Variants in ZNF169 observed in about 807,000 individuals in gnomAD.
ZNF169 encodes zinc finger protein 169.
A neutral mutation model predicts 12.0 loss-of-function variants in ZNF169; 11 were observed. That is an observed-to-expected ratio of 0.92 (90% CI 0.58 to 1.52). The LOEUF (loss-of-function observed/expected upper bound fraction) is 1.52, where lower values mean the gene tolerates loss of function less well. ZNF169 is among the 40% of genes most tolerant of loss of function. ZNF169 has a pLI of 0.00. For synonymous variants in ZNF169, 302 were observed against 286.5 expected (o/e 1.05, Z -0.55); for missense variants, 722 against 744.0 (o/e 0.97, Z 0.34).
chr9:94,271,578 G>C (rs941089582), intron 1 of ZNF169, among the ~76,000 whole-genome samples: 1 of 151,842 alleles, frequency 6.6e-6, no homozygotes, highest in Non-Finnish European at 1.5e-5. Flanking sequence ...AAATTAGCTG[G>C]GCGTGGTGGT....
At chr9:94,260,404 T>C (rs1366861572) in intron 1 of ZNF169, among the ~76,000 whole-genome samples, 1 of 151,946 alleles carries the variant, frequency 6.6e-6, no homozygotes, top group Non-Finnish European at 1.5e-5. Flanking sequence ...GTGGTGGTGA[T>C]GGTGCAGCTT....
intron 2 of ZNF169, among the ~76,000 whole-genome samples, chr9:94,288,923 A>G (rs1480990961): frequency 6.6e-6 from 1 of 152,214 alleles, no homozygotes; most frequent in Admixed American, 6.5e-5. Context: ...GAAGACATAC[A>G]GGGTAAATGT....
chr9:94,274,733 TATATA>T (rs908704189), intron 1 of ZNF169, among the ~76,000 whole-genome samples: 2 of 152,206 alleles, frequency 1.3e-5, no homozygotes, highest in African/African-American at 4.8e-5. Context: ...AGCTTGGTTT[TATATA>T]ATATTTCAGG....
At chr9:94,292,607 T>TGTGTGTGTG (rs570000096) in intron 3 of ZNF169, 140 bp downstream of exon 3, 7 of 678,820 alleles carry the variant, frequency 1.0e-5, no homozygotes, top group South Asian at 4.1e-5. Context: ...CACAGTGCAG[T>TGTGTGTGTG]TGTGTGTGTG....
At chr9:94,277,018 C>T (rs984573353) in intron 1 of ZNF169, among the ~76,000 whole-genome samples, 4 of 152,156 alleles carry the variant, frequency 2.6e-5, no homozygotes, top group Admixed American at 6.5e-5. Context: ...CCAAGGTGAT[C>T]GGTGTACAGC....
chr9:94,292,898 G>A (rs972841797), intron 3 of ZNF169, 76 bp from the exon 4 acceptor site: 10 of 1,287,952 alleles, frequency 7.8e-6, no homozygotes, highest in Non-Finnish European at 1.1e-5. Context: ...TGCATTCCTG[G>A]GTTGGCTCTG....
chr9:94,296,927 A>G (rs1311912195), intron 4 of ZNF169: 1 of 419,612 alleles, frequency 2.4e-6, no homozygotes, highest in African/African-American at 2.1e-5. Context: ...CGCACCTGTA[A>G]TCACAGCTAC....
At chr9:94,298,738 A>AG in intron 4 of ZNF169, among the ~76,000 whole-genome samples, 1 of 152,008 alleles carries the variant, frequency 6.6e-6, no homozygotes, top group East Asian at 1.9e-4. Flanking sequence ...CAAAAAAAAA[A>AG]AAAAAAAAAA....
intron 1 of ZNF169, among the ~76,000 whole-genome samples, chr9:94,259,775 G>A (rs2118523552): frequency 6.6e-6 from 1 of 152,312 alleles, no homozygotes; most frequent in South Asian, 2.1e-4. Flanking sequence ...GGAGGTCTCT[G>A]GGCCAGCAAA....
At chr9:94,269,874 A>G (rs1830360274) in intron 1 of ZNF169, among the ~76,000 whole-genome samples, 1 of 152,144 alleles carries the variant, frequency 6.6e-6, no homozygotes, top group Non-Finnish European at 1.5e-5. Flanking sequence ...CTGGAGCCTC[A>G]GTAAATTTAC....
intron 4 of ZNF169, 65 bp downstream of exon 4, chr9:94,293,134 AG>A (rs1321387096): frequency 3.5e-6 from 5 of 1,419,052 alleles, no homozygotes; most frequent in Non-Finnish European, 4.9e-6. Context: ...GTAAGGAAGG[AG>A]GGGCTATCTT....
At chr9:94,293,482 T>A (rs1180104026) in intron 4 of ZNF169, 1 of 407,148 alleles carries the variant, frequency 2.5e-6, no homozygotes. Flanking sequence ...AATGGCATGA[T>A]CTCGGCTCAC....
chr9:94,269,516 A>G (rs1428443823), intron 1 of ZNF169, among the ~76,000 whole-genome samples: 1 of 152,146 alleles, frequency 6.6e-6, no homozygotes, highest in African/African-American at 2.4e-5. Context: ...AATCCTCCTG[A>G]AGACTGTCTC....
In ZNF169 at chr9:94,299,961, A is replaced by C; in HGVS notation, c.403A>C (p.Arg135=). ...AGGDFQLEAP[R]CSSEKGESGE... is the part of the protein sequence containing the mutation. ...AGGTGACTTCCAACTAGAAGCTCCAAGATGCTCTAGTGAAAAAGGAGAAAG... is the reference window on the plus strand; with the variant it reads ...AGGTGACTTCCAACTAGAAGCTCCACGATGCTCTAGTGAAAAAGGAGAAAG... The change falls in exon 5 of 5, where the codon AGA becomes CGA. Residue 135 remains arginine, a synonymous_variant. Coordinates refer to ENST00000395395, the MANE Select transcript of ZNF169 (RefSeq NM_194320.4). 3 of 1,614,170 alleles carry C rather than the reference A, an allele frequency of 1.9e-6. No homozygotes were observed. Among genetic ancestry groups the C allele is most frequent in the Non-Finnish European group, 1.7e-6 (2 of 1,180,040 alleles).
intron 2 of ZNF169, among the ~76,000 whole-genome samples, chr9:94,281,760 A>G (rs185657842): frequency 1.3e-5 from 2 of 152,310 alleles, no homozygotes; most frequent in East Asian, 1.9e-4. Context: ...CTCCGAGGCT[A>G]TAGGTAAATT....
intron 2 of ZNF169, among the ~76,000 whole-genome samples, chr9:94,286,009 C>T (rs577308947): frequency 6.6e-6 from 1 of 151,468 alleles, no homozygotes; most frequent in East Asian, 1.9e-4. Flanking sequence ...GAAACTCCAT[C>T]TCAAAAAAAA....
intron 2 of ZNF169, chr9:94,288,390 C>T: frequency 8.0e-7 from 1 of 1,245,316 alleles, no homozygotes. Flanking sequence ...GACTGCCCGT[C>T]ACTTTGGTAT....
intron 2 of ZNF169, among the ~76,000 whole-genome samples, chr9:94,281,651 T>G (rs944052250): frequency 1.3e-5 from 2 of 152,300 alleles, no homozygotes; most frequent in African/African-American, 4.8e-5. Context: ...AGTGTACAGC[T>G]TAGTTTTATA....
Position 94,300,767 on chromosome 9 carries a change from CTG to C in ZNF169, c.1212_1213del (p.Ala405Ter). On this transcript the variant is annotated frameshift_variant, in exon 5 of 5. Transcript: ENST00000395395. LOFTEE classifies it low-confidence loss of function (END_TRUNC). Reference protein sequence around the residue: ...VTHSGEKPYVCAECGHSFRQK... With the variant: ...VTHSGEKPYVXAECGHSFRQK... ...CACACTCAGGAGAGAAGCCTTATGTCTGTGCTGAGTGTGGGCACAGCTTTCGC... is the reference window on the plus strand; with the variant it reads ...CACACTCAGGAGAGAAGCCTTATGTCTGCTGAGTGTGGGCACAGCTTTCGC... 6.2e-7 allele frequency: 1 copy of C among 1,611,450 alleles called. No homozygotes were observed. The highest frequency in any genetic ancestry group is 8.5e-7 in the Non-Finnish European group (1 of 1,179,256).
Sources: gnomAD v4.1 joint callset for allele counts (sites outside exome capture counted in the v4.1 genomes callset) on GRCh38, gnomAD v4.1.1 for gene constraint, MANE v1.5 for transcripts, NCBI Gene and HGNC (gene_info 2026-07-23, HGNC 2026-07-21) for gene names.